The following CRPPA variants were observed in gnomAD, a reference collection of about 807,000 sequenced individuals.
CRPPA encodes the protein D-ribitol-5-phosphate cytidylyltransferase.
CRPPA carries 43 observed loss-of-function variants against 52.0 expected under a neutral mutation model. The ratio of observed to expected loss-of-function variants is 0.83; its 90% CI spans 0.65 to 1.07. The LOEUF is 1.07. Among genes scored for constraint, CRPPA ranks in the 50% least tolerant of loss-of-function variants. The probability of loss-of-function intolerance (pLI) is 0.00; values close to 1 mark genes in which losing one functional copy is unlikely to be tolerated. For synonymous variants in CRPPA, 250 were observed against 203.5 expected, an observed-to-expected ratio of 1.23 and a Z score of -1.94; for missense variants, 629 against 551.7, an observed-to-expected ratio of 1.14 and a Z score of -1.40.
At chr7:16,111,600 A>G (rs1782265712) in intron 9 of CRPPA, among the ~76,000 whole-genome samples, 1 of 152,220 alleles carries the variant, frequency 6.6e-6, no homozygotes, top group Non-Finnish European at 1.5e-5. Flanking sequence ...CCTTTAAAAA[A>G]GTAACTGTCA....
intron 3 of CRPPA, among the ~76,000 whole-genome samples, chr7:16,369,517 A>C (rs955290535): frequency 2.0e-5 from 3 of 152,206 alleles, no homozygotes; most frequent in Admixed American, 6.5e-5. Flanking sequence ...GGTACTGAGT[A>C]TAAAACAGTA....
At chr7:16,323,467 C>T (rs1172573703) in intron 3 of CRPPA, among the ~76,000 whole-genome samples, 2 of 152,106 alleles carry the variant, frequency 1.3e-5, no homozygotes, top group South Asian at 2.1e-4. Context: ...TATTCTTGTA[C>T]CTCTGCTATC....
At chr7:16,117,582 G>A (rs182594206) in intron 9 of CRPPA, among the ~76,000 whole-genome samples, 16 of 152,230 alleles carry the variant, frequency 1.1e-4, no homozygotes, top group East Asian at 7.7e-4. Context: ...CGGGAGCTAC[G>A]TGCACCCCAG....
At chr7:16,331,694 A>G (rs1785556018) in intron 3 of CRPPA, among the ~76,000 whole-genome samples, 1 of 152,194 alleles carries the variant, frequency 6.6e-6, no homozygotes, top group Non-Finnish European at 1.5e-5. Flanking sequence ...GATCAAAAAC[A>G]CTAATAGAAA....
chr7:16,087,675 A>C lies in CRPPA; in HGVS notation c.*4020T>G, dbSNP rs1305057862. 1 of 152,122 alleles carries C rather than the reference A, an allele frequency of 6.6e-6. No homozygotes were observed. The highest frequency in any genetic ancestry group is 1.5e-5 in the Non-Finnish European group (1 of 67,992). The allele number at this position is 152,122 out of a possible 1,614,324, so 9.4% of individuals were successfully genotyped here. On this transcript the variant is annotated 3_prime_UTR_variant, in exon 10 of 10. Coordinates refer to ENST00000407010, the MANE Select transcript of CRPPA (RefSeq NM_001101426.4). ...ATTAATAAGAACATATATAAATGCAACTATAATGCCAACCACCACCTACAC... is the reference window on the plus strand; with the variant it reads ...ATTAATAAGAACATATATAAATGCACCTATAATGCCAACCACCACCTACAC...
intron 6 of CRPPA, among the ~76,000 whole-genome samples, chr7:16,263,728 G>T (rs1297843108): frequency 6.6e-6 from 1 of 151,466 alleles, no homozygotes; most frequent in African/African-American, 2.4e-5. Context: ...CTCCAGCCTT[G>T]GCGACAGAGT....
At chr7:16,349,071 T>C (rs1198281398) in intron 3 of CRPPA, among the ~76,000 whole-genome samples, 1 of 152,194 alleles carries the variant, frequency 6.6e-6, no homozygotes, top group Non-Finnish European at 1.5e-5. Context: ...CCTAATTTGA[T>C]GCAGAGAATG....
chr7:16,360,219 C>A (rs1002371305), intron 3 of CRPPA, among the ~76,000 whole-genome samples: 1 of 152,180 alleles, frequency 6.6e-6, no homozygotes, highest in Non-Finnish European at 1.5e-5. Flanking sequence ...TTCTGTAGTA[C>A]ATGAGGAAGA....
At chr7:16,327,318 C>T (rs977520394) in intron 3 of CRPPA, among the ~76,000 whole-genome samples, 1 of 152,088 alleles carries the variant, frequency 6.6e-6, no homozygotes, top group African/African-American at 2.4e-5. Context: ...CAAGGCCGGG[C>T]GCGGTGGCTC....
At chr7:16,160,966 C>G (rs993326720) in intron 9 of CRPPA, among the ~76,000 whole-genome samples, 2 of 152,098 alleles carry the variant, frequency 1.3e-5, no homozygotes, top group Non-Finnish European at 2.9e-5. Context: ...CTCTATTTGT[C>G]TATTGTTGAT....
chr7:16,278,083 GT>G, intron 6 of CRPPA, 45 bp downstream of exon 6: 3 of 957,742 alleles, frequency 3.1e-6, no homozygotes, highest in Non-Finnish European at 3.3e-6. Flanking sequence ...TACTATAAAA[GT>G]TTTTGGCAAT....
chr7:16,218,147 A>G (rs891286284), intron 8 of CRPPA, among the ~76,000 whole-genome samples: 9 of 152,134 alleles, frequency 5.9e-5, no homozygotes, highest in Admixed American at 1.3e-4. Context: ...CAACATTCTT[A>G]AAGAAAAGAA....
chr7:16,192,079 C>T (rs1430741325), intron 9 of CRPPA, among the ~76,000 whole-genome samples: 1 of 152,056 alleles, frequency 6.6e-6, no homozygotes, highest in Non-Finnish European at 1.5e-5. Context: ...CTTCCCTGCT[C>T]AGCTCAGAGT....
chr7:16,364,143 C>A (rs1445640609), intron 3 of CRPPA, among the ~76,000 whole-genome samples: 3 of 152,124 alleles, frequency 2.0e-5, no homozygotes, highest in Non-Finnish European at 2.9e-5. Flanking sequence ...AGCCTTTACA[C>A]TTACGTGCCT....
intron 9 of CRPPA, among the ~76,000 whole-genome samples, chr7:16,110,986 A>C (rs1263212404): frequency 6.6e-6 from 1 of 152,148 alleles, no homozygotes; most frequent in Non-Finnish European, 1.5e-5. Context: ...GAGACAATCT[A>C]CAGATTGGGA....
chr7:16,225,149 T>A (rs565543489), intron 8 of CRPPA, among the ~76,000 whole-genome samples: 10 of 152,128 alleles, frequency 6.6e-5, no homozygotes, highest in Admixed American at 2.0e-4. Context: ...AAAAAGTAAA[T>A]GAGTTTCATA....
intron 9 of CRPPA, among the ~76,000 whole-genome samples, chr7:16,196,397 C>T (rs1781735320): frequency 6.6e-6 from 1 of 152,154 alleles, no homozygotes; most frequent in African/African-American, 2.4e-5. Flanking sequence ...GTCTTCTTTC[C>T]ATACTCTATG....
intron 9 of CRPPA, among the ~76,000 whole-genome samples, chr7:16,111,845 G>A (rs1782270583): frequency 1.3e-5 from 2 of 152,058 alleles, no homozygotes; most frequent in African/African-American, 4.8e-5. Context: ...TAGTTCTATT[G>A]CAATGTGGTG....
chr7:16,221,949 C>A (rs1285809886), intron 8 of CRPPA, among the ~76,000 whole-genome samples: 1 of 151,884 alleles, frequency 6.6e-6, no homozygotes, highest in Non-Finnish European at 1.5e-5. Context: ...TTACTGGGTA[C>A]ATACCCAAAG....
Sources: allele counts gnomAD v4.1 joint callset (sites outside exome capture counted in the v4.1 genomes callset), GRCh38; gene constraint gnomAD v4.1.1; transcripts MANE v1.5; gene names NCBI Gene and HGNC (gene_info 2026-07-23, HGNC 2026-07-21).